The following CCDC60 variants were observed in gnomAD, a reference collection of about 807,000 sequenced individuals.
CCDC60 encodes the protein coiled-coil domain-containing protein 60.
Under a neutral mutation model 63.5 loss-of-function variants are expected in CCDC60, and 54 were observed. The ratio of observed to expected loss-of-function variants is 0.85; its 90% CI spans 0.68 to 1.07. The LOEUF (loss-of-function observed/expected upper bound fraction) is 1.07, where lower values mean the gene tolerates loss of function less well. Ranked by LOEUF, CCDC60 falls within the 50% of genes least tolerant of loss-of-function variation. The probability of loss-of-function intolerance (pLI) is 0.00; values close to 1 mark genes in which losing one functional copy is unlikely to be tolerated. For synonymous variants in CCDC60, 206 were observed against 238.8 expected (o/e 0.86, Z 1.27); for missense variants, 651 against 684.3 (o/e 0.95, Z 0.54).
chr12:119,409,578 C>A (rs943664650), intron 1 of CCDC60, among the ~76,000 whole-genome samples: 4 of 152,146 alleles, frequency 2.6e-5, no homozygotes, highest in African/African-American at 9.7e-5. Context: ...CACCAACAAA[C>A]AATTAAGAAA....
intron 1 of CCDC60, among the ~76,000 whole-genome samples, chr12:119,404,938 C>T (rs1008632521): frequency 6.6e-6 from 1 of 152,154 alleles, no homozygotes; most frequent in Non-Finnish European, 1.5e-5. Flanking sequence ...ACTTGGCTCA[C>T]CTCCTTCTAA....
At chr12:119,535,120 A>G (rs528288817) in intron 13 of CCDC60, among the ~76,000 whole-genome samples, 1 of 152,078 alleles carries the variant, frequency 6.6e-6, no homozygotes, top group African/African-American at 2.4e-5. Flanking sequence ...TTCAGATTCA[A>G]TTTCTTCCTG....
At chr12:119,402,668 A>G (rs1956413690) in intron 1 of CCDC60, among the ~76,000 whole-genome samples, 1 of 152,252 alleles carries the variant, frequency 6.6e-6, no homozygotes, top group African/African-American at 2.4e-5. Context: ...GACACTTAGT[A>G]GGTAAATGGC....
chr12:119,428,957 C>T, intron 2 of CCDC60, 195 bp downstream of exon 2: 1 of 417,504 alleles, frequency 2.4e-6, no homozygotes, highest in Non-Finnish European at 4.1e-6. Flanking sequence ...CAGGGAGTAC[C>T]CATGCCATGC....
intron 5 of CCDC60, among the ~76,000 whole-genome samples, chr12:119,495,397 C>A (rs1951697134): frequency 6.6e-6 from 1 of 152,134 alleles, no homozygotes; most frequent in South Asian, 2.1e-4. Context: ...CTGCAATTTT[C>A]TTTTATAAAA....
chr12:119,360,310 TC>T, intron 1 of CCDC60, among the ~76,000 whole-genome samples: 1 of 140,992 alleles, frequency 7.1e-6, no homozygotes, highest in East Asian at 2.4e-4. Context: ...CCCACCTCCC[TC>T]CCGGACTGGG....
intron 4 of CCDC60, among the ~76,000 whole-genome samples, chr12:119,482,159 T>TAC (rs142480132): frequency 0.081 from 11,785 of 145,280 alleles, 631 homozygotes; most frequent in South Asian, 0.13. Flanking sequence ...CACACACACA[T>TAC]ACACACACAC....
intron 1 of CCDC60, among the ~76,000 whole-genome samples, chr12:119,337,275 G>T (rs1022777474): frequency 6.6e-6 from 1 of 152,184 alleles, no homozygotes; most frequent in Non-Finnish European, 1.5e-5. Context: ...CCAGCATAGC[G>T]GTGGGAGAAT....
chr12:119,420,202 C>A lies in CCDC60; in HGVS notation c.91-8481C>A, dbSNP rs1956787665. The stretch of plus-strand genomic sequence containing the variant: ...GTTAAGTAATTCTATAGTATATTTC[C>A]TATTTCAGTTTGAAGGATCTGTGTG... On this transcript the variant is annotated intron_variant, in intron 1 of 13. Coordinates refer to ENST00000327554, the MANE Select transcript of CCDC60 (RefSeq NM_178499.5). The surrounding 1 kb of genome is among the most constrained non-coding windows in gnomAD (Gnocchi z 4.1). Among the ~76,000 whole-genome samples, 1 of 152,030 alleles carries A rather than the reference C, an allele frequency of 6.6e-6. No individual in the cohort carries two copies. Among genetic ancestry groups the A allele is most frequent in the African/African-American group, 2.4e-5 (1 of 41,388 alleles).
intron 1 of CCDC60, among the ~76,000 whole-genome samples, chr12:119,400,716 A>G (rs777239960): frequency 2.0e-4 from 31 of 152,224 alleles, no homozygotes; most frequent in Non-Finnish European, 2.2e-4. Flanking sequence ...TTGCAGGCGT[A>G]ATAAGCTCCC....
intron 2 of CCDC60, 128 bp downstream of exon 2, chr12:119,428,890 C>A: frequency 1.6e-6 from 1 of 617,728 alleles, no homozygotes; most frequent in African/African-American, 1.8e-5. Context: ...AGAAGACTTA[C>A]AGGAGGGTAA....
intron 1 of CCDC60, among the ~76,000 whole-genome samples, chr12:119,400,257 G>A (rs1956367782): frequency 6.6e-6 from 1 of 152,128 alleles, no homozygotes; most frequent in African/African-American, 2.4e-5. Context: ...CACCGTATTA[G>A]CCAGGATGGT....
At chr12:119,398,005 ATGGG>A in intron 1 of CCDC60, among the ~76,000 whole-genome samples, 1 of 16,600 alleles carries the variant, frequency 6.0e-5, no homozygotes, top group Non-Finnish European at 1.1e-4. Flanking sequence ...GTGTGGGGGG[ATGGG>A]AGGAAGGGGG....
chr12:119,482,006 A>AT (rs1377419532), intron 4 of CCDC60, among the ~76,000 whole-genome samples: 8,852 of 79,320 alleles, frequency 0.11, 322 homozygotes, highest in Non-Finnish European at 0.12. Flanking sequence ...ATGTATATAT[A>AT]GTATATATAT....
At chr12:119,457,214 CAGAG>C (rs562485884) in intron 2 of CCDC60, among the ~76,000 whole-genome samples, 30 of 152,216 alleles carry the variant, frequency 2.0e-4, no homozygotes, top group Middle Eastern at 3.4e-3. Context: ...GCAAAAGTGC[CAGAG>C]AGAATAAAAC....
At chr12:119,490,502 T>C (rs1320141164) in intron 5 of CCDC60, among the ~76,000 whole-genome samples, 1 of 152,176 alleles carries the variant, frequency 6.6e-6, no homozygotes, top group Non-Finnish European at 1.5e-5. Flanking sequence ...TTCCAAAATG[T>C]CTTTGTGGCT....
intron 2 of CCDC60, among the ~76,000 whole-genome samples, chr12:119,460,020 C>T (rs1396983233): frequency 1.3e-5 from 2 of 152,200 alleles, no homozygotes; most frequent in Non-Finnish European, 2.9e-5. Flanking sequence ...ACACAACAAG[C>T]TCTCACGTGA....
chr12:119,462,467 G>C (rs1950872229), intron 2 of CCDC60, among the ~76,000 whole-genome samples: 1 of 151,838 alleles, frequency 6.6e-6, no homozygotes, highest in Admixed American at 6.6e-5. Context: ...CCTGATTTTG[G>C]TTTTCTTGTT....
At chr12:119,360,581 G>A (rs942733164) in intron 1 of CCDC60, among the ~76,000 whole-genome samples, 5 of 151,568 alleles carry the variant, frequency 3.3e-5, no homozygotes, top group South Asian at 4.2e-4. Context: ...ACGGGGTGGC[G>A]GCCGGGCAGA....
Sources: gnomAD v4.1 joint callset for allele counts (sites outside exome capture counted in the v4.1 genomes callset) on GRCh38, gnomAD v4.1.1 for gene constraint, Gnocchi (gnomAD v3.1) non-coding constraint, MANE v1.5 for transcripts, NCBI Gene and HGNC (gene_info 2026-07-23, HGNC 2026-07-21) for gene names.